Variants in TMC5 observed in about 807,000 individuals in gnomAD.
The protein encoded by TMC5 is transmembrane channel like 5, also known as transmembrane channel-like protein 5.
TMC5 carries 86 observed loss-of-function variants against 110.5 expected under a neutral mutation model. That is an observed-to-expected ratio of 0.78 (90% CI 0.65 to 0.93). The LOEUF (loss-of-function observed/expected upper bound fraction) is 0.93, where lower values mean the gene tolerates loss of function less well. TMC5 is among the 40% of genes least tolerant of loss of function. The pLI, the probability that TMC5 is intolerant of heterozygous loss-of-function variation, is 0.00. For missense variants in TMC5, 1,144 were observed against 1,222.8 expected, an observed-to-expected ratio of 0.94 and a Z score of 0.96; for synonymous variants, 455 against 439.5, an observed-to-expected ratio of 1.04 and a Z score of -0.44.
chr16:19,485,563 G>T (rs1386700942), intron 15 of TMC5, among the ~76,000 whole-genome samples: 1 of 152,160 alleles, frequency 6.6e-6, no homozygotes, highest in Non-Finnish European at 1.5e-5. Flanking sequence ...CTCCAAAAGT[G>T]ATGAGATTAC....
rs1168597032 is a variant in TMC5 at position 19,481,514 on chromosome 16, G to T, written c.2363+49G>T. 2.9e-6 allele frequency: 4 copies of T among 1,374,594 alleles called. No individual in the cohort carries two copies. The African/African-American group carries it at 4.3e-5, about 15-fold the overall frequency. 85.1% of individuals were successfully genotyped at this position (1,374,594 alleles called of 1,614,324 possible). Reference sequence around the variant, plus strand: ...TGCCCAGTGGTTCCCACATGACTGTGGAGCTGGTGTTTTGGTGGCAAAGTC... The same window carrying T: ...TGCCCAGTGGTTCCCACATGACTGTTGAGCTGGTGTTTTGGTGGCAAAGTC... On this transcript the variant is annotated intron_variant, in intron 15 of 21. Coordinates refer to ENST00000542583, the MANE Select transcript of TMC5 (RefSeq NM_001261841.2).
At chr16:19,415,714 C>G (rs1454702319), upstream of TMC5, among the ~76,000 whole-genome samples, 1 of 152,156 alleles carries the variant, frequency 6.6e-6, no homozygotes, top group East Asian at 1.9e-4. Flanking sequence ...CAGGTACTGC[C>G]CTTTCACCCC....
chr16:19,466,501 G>C (rs1262019392), intron 9 of TMC5, among the ~76,000 whole-genome samples: 1 of 152,064 alleles, frequency 6.6e-6, no homozygotes, highest in African/African-American at 2.4e-5. Flanking sequence ...ACAGGCACCT[G>C]CCACCACGCC....
intron 8 of TMC5, among the ~76,000 whole-genome samples, chr16:19,465,472 T>G (rs1968163745): frequency 6.6e-6 from 1 of 152,102 alleles, no homozygotes; most frequent in African/African-American, 2.4e-5. Context: ...GAGGTTGCAG[T>G]GAGCTGAGAT....
chr16:19,486,962 G>A lies in TMC5; in HGVS notation c.2381G>A (p.Cys794Tyr). ...QTLVWIGIFF[C>Y]PLLPFIQMIM... is the part of the protein sequence containing the mutation. ...CCTCACAGGATTGGCATCTTCTTCTGCCCCCTGCTGCCCTTTATCCAAATG... is the reference window on the plus strand; with the variant it reads ...CCTCACAGGATTGGCATCTTCTTCTACCCCCTGCTGCCCTTTATCCAAATG... Residue 794 changes from cysteine to tyrosine, a missense_variant, in exon 16 of 22, where the codon TGC becomes TAC. Physicochemically the swap from Cys to Tyr is radical, Grantham distance 194. Transcript: ENST00000542583. 6.2e-7 allele frequency: 1 copy of A among 1,613,896 alleles called. No homozygotes were observed. The highest frequency in any genetic ancestry group is 8.5e-7 in the Non-Finnish European group (1 of 1,179,996).
At chr16:19,463,724 G>A (rs1567313638) in intron 7 of TMC5, 52 bp from the exon 8 acceptor site, 5 of 1,589,588 alleles carry the variant, frequency 3.1e-6, no homozygotes, top group East Asian at 4.5e-5. Flanking sequence ...CTGCTCAGTC[G>A]ATATTTGTTG....
In TMC5 at chr16:19,463,809, A is replaced by G. The variant is rs372706683; in HGVS notation, c.1270A>G (p.Ile424Val). 6.8e-6 allele frequency: 11 copies of G among 1,614,088 alleles called. No homozygotes were observed. In the African/African-American group the frequency reaches 1.5e-4, roughly 22 times the overall value. The change falls in exon 8 of 22, where the codon ATT becomes GTT. Residue 424 changes from isoleucine (I) to valine (V), a missense_variant. Physicochemically the swap from Ile to Val is conservative, Grantham distance 29. Coordinates refer to ENST00000542583, the MANE Select transcript of TMC5 (RefSeq NM_001261841.2). ...YRRSKNSLSE[I>V]LNSISLWQKT... ...GAGATCCAAGAACAGCCTGTCGGAA[A>G]TTCTGAATTCCATCAGCCTGTGGCA...
intron 11 of TMC5, among the ~76,000 whole-genome samples, chr16:19,473,295 G>A (rs1391569268): frequency 2.2e-5 from 3 of 134,402 alleles, no homozygotes; most frequent in South Asian, 2.5e-4. Context: ...GCAGTGAGCC[G>A]AGATCGTGCC....
rs12600186 is a variant in TMC5 at position 19,456,439 on chromosome 16, T to C, written c.1049-3796T>C. 1.8e-5 allele frequency: 21 copies of C among 1,141,700 alleles called. No individual in the cohort carries two copies. In the East Asian group the frequency reaches 7.3e-4, roughly 40 times the overall value. The allele number at this position is 1,141,700 out of a possible 1,614,324, so 70.7% of individuals were successfully genotyped here. A position where few individuals can be genotyped will look rare whatever the true frequency, so the allele number is the denominator to read the frequency against. On this transcript the variant is annotated intron_variant, in intron 5 of 21. Transcript: ENST00000542583. ...AAGATTCTGTTTTCGATTTCTTGCCTAGCTACCAAGACAGAATTCTCTGCA... is the reference window on the plus strand; with the variant it reads ...AAGATTCTGTTTTCGATTTCTTGCCCAGCTACCAAGACAGAATTCTCTGCA...
chr16:19,460,156 T>A, intron 5 of TMC5, 79 bp from the exon 6 acceptor site: 1 of 1,108,254 alleles, frequency 9.0e-7, no homozygotes, highest in Non-Finnish European at 1.3e-6. Context: ...TGTTACGTGC[T>A]CTGACTTCAG....
In TMC5 at chr16:19,461,820, A is replaced by G. The variant is rs570485551; in HGVS notation, c.1149-1460A>G. 4.6e-5 allele frequency among the ~76,000 whole-genome samples: 7 copies of G among 152,332 alleles called. 1 individual carries two copies. In the East Asian group the frequency reaches 1.3e-3, roughly 29 times the overall value. On this transcript the variant is annotated intron_variant, in intron 6 of 21. Transcript: ENST00000542583. ...TAGGATTTTCTGAGGTTTCAAAGAC[A>G]AATTTCAAATCCTGGCAGGGTGGAA...
At chr16:19,413,523 C>CAAAAAAAAAAAAAAAAAAAA (rs869158130), upstream of TMC5, among the ~76,000 whole-genome samples, 1 of 52,966 alleles carries the variant, frequency 1.9e-5, no homozygotes, top group Non-Finnish European at 4.5e-5. Flanking sequence ...AACCCTGCCT[C>CAAAAAAAAAAAAAAAAAAAA]AAAAAAAAAA....
rs539245207 is a variant in TMC5 at position 19,463,318 on chromosome 16, G to A, written c.1187G>A (p.Arg396His). ...AAAGAAAAAAGCAAACAGACCCATC[G>A]TATCCTTCAGCTCAATTGCTGTATT... is the stretch of plus-strand genomic sequence containing the variant. ...VDKEKSKQTH[R>H]ILQLNCCIQC... is the part of the protein sequence containing the mutation. Residue 396 changes from arginine to histidine, a missense_variant, in exon 7 of 22, where the codon CGT becomes CAT. Arg to His is a conservative substitution (Grantham distance 29, BLOSUM62 0). Transcript: ENST00000542583. 1.3e-4 allele frequency: 204 copies of A among 1,614,018 alleles called. 5 individuals are homozygous for A. The South Asian group carries it at 2.1e-3, about 17-fold the overall frequency.
At chr16:19,419,071 GCAAT>G (rs1966920132) in intron 1 of TMC5, among the ~76,000 whole-genome samples, 1 of 152,180 alleles carries the variant, frequency 6.6e-6, no homozygotes, top group Non-Finnish European at 1.5e-5. Context: ...CCCAGCGTAT[GCAAT>G]CAGAGAGGTA....
intron 5 of TMC5, among the ~76,000 whole-genome samples, chr16:19,452,245 A>G (rs1437910891): frequency 2.0e-5 from 3 of 152,194 alleles, no homozygotes; most frequent in Non-Finnish European, 2.9e-5. Flanking sequence ...ACATAGATGA[A>G]GAGATGCATT....
At chr16:19,439,708 G>A (rs1253920000) in intron 2 of TMC5, among the ~76,000 whole-genome samples, 1 of 152,192 alleles carries the variant, frequency 6.6e-6, no homozygotes, top group African/African-American at 2.4e-5. Context: ...GCAAGATGGA[G>A]AAAGGGAGAA....
At chr16:19,443,633 G>C (rs1448988338) in intron 3 of TMC5, among the ~76,000 whole-genome samples, 6 of 152,140 alleles carry the variant, frequency 3.9e-5, no homozygotes, top group Non-Finnish European at 7.3e-5. Context: ...CCTAACTCAG[G>C]GTTGGCATTT....
At chr16:19,441,163 C>A (rs1392940222) in intron 3 of TMC5, among the ~76,000 whole-genome samples, 1 of 152,156 alleles carries the variant, frequency 6.6e-6, no homozygotes. Flanking sequence ...AGACTTGACG[C>A]TCATAAATCC....
In TMC5 at chr16:19,457,709, C is replaced by CTTTTTTTTTTTT. The variant is rs573979829; in HGVS notation, c.1049-2503_1049-2492dup. Among the ~76,000 whole-genome samples, 135 of 43,928 alleles carry CTTTTTTTTTTTT rather than the reference C, an allele frequency of 3.1e-3. 47 individuals carry two copies. The highest frequency in any genetic ancestry group is 6.1e-3 in the Non-Finnish European group (115 of 18,952). 28.8% of individuals were successfully genotyped at this position (43,928 alleles called of 152,430 possible). A position where few individuals can be genotyped will look rare whatever the true frequency, so the allele number is the denominator to read the frequency against. On this transcript the variant is annotated intron_variant, in intron 5 of 21. Transcript: ENST00000542583. ...TCTATCTGATTCCCAAGACTACATTCTTTTTTTTTTTTTTTTTTTTTTTTT... is the reference window on the plus strand; with the variant it reads ...TCTATCTGATTCCCAAGACTACATTCTTTTTTTTTTTTTTTTTTTTTTTTTTTTTTTTTTTTT...
Sources: gnomAD v4.1 joint callset for allele counts (sites outside exome capture counted in the v4.1 genomes callset) on GRCh38, gnomAD v4.1.1 for gene constraint, MANE v1.5 for transcripts, NCBI Gene and HGNC (gene_info 2026-07-23, HGNC 2026-07-21) for gene names.